The following CSMD3 variants were observed in gnomAD, a reference collection of about 807,000 sequenced individuals.
CSMD3 encodes CUB and sushi domain-containing protein 3.
CSMD3 carries 177 observed loss-of-function variants against 435.2 expected under a neutral mutation model. The ratio of observed to expected loss-of-function variants is 0.41; its 90% CI spans 0.36 to 0.46. The LOEUF (loss-of-function observed/expected upper bound fraction) is 0.46. Ranked by LOEUF, CSMD3 falls within the 20% of genes least tolerant of loss-of-function variation. The pLI is 0.34. For synonymous variants in CSMD3, 1,656 were observed against 1,520.5 expected, an observed-to-expected ratio of 1.09 and a Z score of -2.07; for missense variants, 4,265 against 4,504.6, an observed-to-expected ratio of 0.95 and a Z score of 1.52.
At position 112,858,803 on chromosome 8, in the gene CSMD3, C is replaced by T. The variant is rs372208237; in HGVS notation, c.1755+342G>A. 4.0e-5 allele frequency among the ~76,000 whole-genome samples: 6 copies of T among 151,696 alleles called. No individual in the cohort carries two copies. The East Asian group carries it at 1.2e-3, about 29-fold the overall frequency. On this transcript the variant is annotated intron_variant, in intron 11 of 70. Coordinates refer to ENST00000297405, the MANE Select transcript of CSMD3 (RefSeq NM_198123.2). The stretch of plus-strand genomic sequence containing the variant: ...AGCTATGTATAAAAACAGGATTGAC[C>T]TGAATGATGTGTCAAACAGAAAAGA...
At chr8:113,274,309 T>A (rs530011567) in intron 3 of CSMD3, among the ~76,000 whole-genome samples, 1 of 152,220 alleles carries the variant, frequency 6.6e-6, no homozygotes, top group South Asian at 2.1e-4. Context: ...AAACAATATT[T>A]TAAATTGATC....
intron 6 of CSMD3, 168 bp downstream of exon 6, chr8:113,018,899 T>C: frequency 1.6e-6 from 1 of 630,466 alleles, no homozygotes. Flanking sequence ...ACTTTAATAC[T>C]GTAATTTAGT....
intron 10 of CSMD3, among the ~76,000 whole-genome samples, chr8:112,898,915 T>C (rs1258017654): frequency 6.6e-6 from 1 of 151,258 alleles, no homozygotes; most frequent in Non-Finnish European, 1.5e-5. Context: ...GTTTTACTAA[T>C]TTATACTGCT....
rs147129949 is a variant in CSMD3 at position 113,119,805 on chromosome 8, C to G, written c.710-20842G>C. 6.7e-3 allele frequency among the ~76,000 whole-genome samples: 1,021 copies of G among 152,108 alleles called. 6 individuals are homozygous for G. The highest frequency in any genetic ancestry group is 9.9e-3 in the Non-Finnish European group (673 of 67,942). ...GGGTAAATAATGGGAATGCAAAACA[C>G]ACATTAAATTTTTGATTGGTGTTCT... On this transcript the variant is annotated intron_variant, in intron 4 of 70. Coordinates refer to ENST00000297405, the MANE Select transcript of CSMD3 (RefSeq NM_198123.2).
At chr8:112,589,414 T>A (rs1281295730) in intron 22 of CSMD3, among the ~76,000 whole-genome samples, 3 of 152,190 alleles carry the variant, frequency 2.0e-5, no homozygotes, top group Non-Finnish European at 4.4e-5. Flanking sequence ...AATTACTTGA[T>A]ATGAAATTAA....
intron 58 of CSMD3, among the ~76,000 whole-genome samples, chr8:112,284,581 C>T (rs1203595409): frequency 1.3e-5 from 2 of 151,650 alleles, no homozygotes; most frequent in Non-Finnish European, 3.0e-5. Flanking sequence ...ATTGACTATA[C>T]TCTATTAGAT....
intron 9 of CSMD3, among the ~76,000 whole-genome samples, chr8:112,922,325 G>T (rs902526992): frequency 6.6e-6 from 1 of 151,530 alleles, no homozygotes; most frequent in Non-Finnish European, 1.5e-5. Flanking sequence ...GGAGAATGAG[G>T]TATTTATCCC....
chr8:112,423,865 C>A (rs1277023839), intron 32 of CSMD3, among the ~76,000 whole-genome samples: 2 of 152,014 alleles, frequency 1.3e-5, no homozygotes, highest in Non-Finnish European at 1.5e-5. Context: ...TATATATATA[C>A]ATATGTAAGT....
Position 112,943,306 on chromosome 8 carries a change from T to C in CSMD3, c.1508+4484A>G, listed in dbSNP as rs1190480916. Among the ~76,000 whole-genome samples the C allele has an allele frequency of 2.0e-5, 3 of 151,792 alleles. No homozygotes were observed. The Admixed American group carries it at 2.0e-4, about 10-fold the overall frequency. ...CTTTCTTTGTCTTCACAGTGCTTTTTATAGAGCAGATATTTTAATTTTAAT... is the reference window on the plus strand; with the variant it reads ...CTTTCTTTGTCTTCACAGTGCTTTTCATAGAGCAGATATTTTAATTTTAAT... On this transcript the variant is annotated intron_variant, in intron 9 of 70. Transcript: ENST00000297405.
At chr8:113,188,053 C>A (rs2092533933) in intron 3 of CSMD3, among the ~76,000 whole-genome samples, 1 of 151,988 alleles carries the variant, frequency 6.6e-6, no homozygotes, top group Non-Finnish European at 1.5e-5. Context: ...AACCAATTCC[C>A]ACCTTCTCCA....
intron 4 of CSMD3, among the ~76,000 whole-genome samples, chr8:113,106,520 T>C (rs1160996430): frequency 6.6e-6 from 1 of 152,100 alleles, no homozygotes; most frequent in Non-Finnish European, 1.5e-5. Flanking sequence ...TCCAAAAAGG[T>C]TGTGGAGCAG....
chr8:113,063,135 C>A (rs1158957841), intron 5 of CSMD3, among the ~76,000 whole-genome samples: 4 of 150,888 alleles, frequency 2.7e-5, no homozygotes, highest in Non-Finnish European at 5.9e-5. Context: ...AGTTTTCCTT[C>A]ATTTTACTGG....
At position 112,975,257 on chromosome 8, in the gene CSMD3, T is replaced by C. The variant is rs2084802223; in HGVS notation, c.1342+580A>G. 2.6e-5 allele frequency among the ~76,000 whole-genome samples: 4 copies of C among 152,074 alleles called. No homozygotes were observed. The South Asian group carries it at 8.3e-4, about 31-fold the overall frequency. On this transcript the variant is annotated intron_variant, in intron 7 of 70. Transcript: ENST00000297405. ...GAGGCATACTATCAATGAATAGCTGTTACCTTTTCAAAATGAGAAATCTTT... is the reference window on the plus strand; with the variant it reads ...GAGGCATACTATCAATGAATAGCTGCTACCTTTTCAAAATGAGAAATCTTT...
At chr8:113,388,404 A>G (rs770523384) in intron 1 of CSMD3, among the ~76,000 whole-genome samples, 17 of 151,660 alleles carry the variant, frequency 1.1e-4, no homozygotes, top group Non-Finnish European at 1.5e-4. Flanking sequence ...TCCTGAAAAA[A>G]AAATTTAAAA....
intron 13 of CSMD3, among the ~76,000 whole-genome samples, chr8:112,692,167 G>T (rs1018202874): frequency 6.6e-5 from 10 of 151,736 alleles, no homozygotes; most frequent in African/African-American, 2.4e-4. Context: ...TCCATCTTCA[G>T]TTTTCTTTTG....
chr8:113,136,813 T>C (rs1159613568), intron 4 of CSMD3, among the ~76,000 whole-genome samples: 1 of 151,516 alleles, frequency 6.6e-6, no homozygotes, highest in African/African-American at 2.4e-5. Context: ...TCATAGATAG[T>C]GGGGGAAGTC....
chr8:112,995,756 A>T (rs558684334), intron 6 of CSMD3, among the ~76,000 whole-genome samples: 1 of 151,604 alleles, frequency 6.6e-6, no homozygotes, highest in East Asian at 1.9e-4. Context: ...TTCTATTAAG[A>T]TGATTTAACC....
chr8:112,945,299 C>A (rs1362883577), intron 9 of CSMD3, among the ~76,000 whole-genome samples: 1 of 151,724 alleles, frequency 6.6e-6, no homozygotes, highest in Non-Finnish European at 1.5e-5. Context: ...GTCTTTCACT[C>A]AGACTACTGA....
intron 60 of CSMD3, 65 bp downstream of exon 60, chr8:112,265,346 T>C (rs1007607515): frequency 8.2e-7 from 1 of 1,219,734 alleles, no homozygotes; most frequent in African/African-American, 1.5e-5. Flanking sequence ...TTTAAATTTG[T>C]ATATAAAAAT....
Sources: gnomAD v4.1 joint callset for allele counts (sites outside exome capture counted in the v4.1 genomes callset) on GRCh38, gnomAD v4.1.1 for gene constraint, MANE v1.5 for transcripts, NCBI Gene and HGNC (gene_info 2026-07-23, HGNC 2026-07-21) for gene names.